The following DDR2 variants were observed in gnomAD, a reference collection of about 807,000 sequenced individuals.
DDR2 encodes the protein discoidin domain receptor tyrosine kinase 2, also known as discoidin domain-containing receptor 2.
A neutral mutation model predicts 94.9 loss-of-function variants in DDR2; 27 were observed. That is an observed-to-expected ratio of 0.28 (90% confidence interval 0.21 to 0.39). The LOEUF (loss-of-function observed/expected upper bound fraction) is 0.39. Ranked by LOEUF, DDR2 falls within the 10% of genes least tolerant of loss-of-function variation. DDR2 has a pLI of 1.00. For missense variants in DDR2, 783 were observed against 1,076.0 expected (o/e 0.73, Z 3.81); for synonymous variants, 382 against 377.2 (o/e 1.01, Z -0.15).
chr1:162,652,504 A>G (rs1314702807), intron 1 of DDR2, among the ~76,000 whole-genome samples: 2 of 152,192 alleles, frequency 1.3e-5, no homozygotes, highest in Admixed American at 6.5e-5. Flanking sequence ...AGTTTTCTAC[A>G]TTCCCAGACT....
chr1:162,780,446 C>G lies in DDR2; in HGVS notation c.*200C>G. ...TTTTTTTTTTTTTTACATTAAAGAA[C>G]TAAAAAAGGAAAAAAAAAAGCCTAG... On this transcript the variant is annotated 3_prime_UTR_variant, in exon 18 of 18. Transcript: ENST00000367921. The G allele has an allele frequency of 1.6e-6, 1 of 636,568 alleles. No homozygotes were observed. Among genetic ancestry groups the G allele is most frequent in the South Asian group, 2.4e-5 (1 of 41,036 alleles). 39.4% of individuals were successfully genotyped at this position (636,568 alleles called of 1,614,324 possible). A position where few individuals can be genotyped will look rare whatever the true frequency, so the allele number is the denominator to read the frequency against.
intron 2 of DDR2, among the ~76,000 whole-genome samples, chr1:162,666,970 A>C (rs73018590): frequency 0.016 from 2,383 of 150,788 alleles, 58 homozygotes; most frequent in African/African-American, 0.048. Flanking sequence ...ATATATATAT[A>C]TCTCCATGCA....
intron 2 of DDR2, among the ~76,000 whole-genome samples, chr1:162,659,495 C>A (rs1406551535): frequency 6.6e-6 from 1 of 152,058 alleles, no homozygotes; most frequent in East Asian, 1.9e-4. Flanking sequence ...CTACTTGGGG[C>A]AGAGGATTGG....
intron 1 of DDR2, among the ~76,000 whole-genome samples, chr1:162,639,730 G>T (rs562618561): frequency 6.6e-6 from 1 of 152,344 alleles, no homozygotes; most frequent in Admixed American, 6.5e-5. Context: ...TACAGATGGT[G>T]CTGACTTAAA....
At position 162,665,062 on chromosome 1, in the gene DDR2, A is replaced by G. The variant is rs148608802; in HGVS notation, c.-28+9688A>G. On this transcript the variant is annotated intron_variant, in intron 2 of 17. Coordinates refer to ENST00000367921, the MANE Select transcript of DDR2 (RefSeq NM_006182.4). ...CAAGGTCTTTCAGAGTCAAATCCCAATTGATCTTCCCAATTTCACTTCCCT... is the reference window on the plus strand; with the variant it reads ...CAAGGTCTTTCAGAGTCAAATCCCAGTTGATCTTCCCAATTTCACTTCCCT... 4.1e-3 allele frequency among the ~76,000 whole-genome samples: 625 copies of G among 152,324 alleles called. 3 individuals are homozygous for G. The highest frequency in any genetic ancestry group is 7.2e-3 in the African/African-American group (300 of 41,580).
chr1:162,778,720 A>C lies in DDR2; in HGVS notation c.2424A>C (p.Gln808His), dbSNP rs765660823. ...IENTGEFFRD[Q>H]GRQTYLPQPA... ...ATACTGGAGAGTTCTTCCGAGACCA[A>C]GGGAGGCAGGTAAGAACTGTTGGGG... Residue 808 changes from glutamine (Q) to histidine (H), a missense_variant, in exon 17 of 18, where the codon CAA becomes CAC. Gln to His is a conservative substitution (Grantham distance 24). Around this residue, in one of 2 missense-constraint regions of DDR2, gnomAD observed 264 missense variants for 428.2 expected, o/e 0.62. Coordinates refer to ENST00000367921, the MANE Select transcript of DDR2 (RefSeq NM_006182.4). 3.2e-5 allele frequency: 51 copies of C among 1,613,846 alleles called. No homozygotes were observed. In the Admixed American group the frequency reaches 7.5e-4, roughly 24 times the overall value.
chr1:162,727,125 G>A (rs1209293908), intron 3 of DDR2, among the ~76,000 whole-genome samples: 3 of 142,340 alleles, frequency 2.1e-5, no homozygotes, highest in South Asian at 2.2e-4. Context: ...TTTATATTTT[G>A]TAAATATAAA....
chr1:162,657,627 T>C (rs1164391277), intron 2 of DDR2, among the ~76,000 whole-genome samples: 1 of 152,170 alleles, frequency 6.6e-6, no homozygotes, highest in African/African-American at 2.4e-5. Context: ...GCTAGGGAAC[T>C]CTGACACAGA....
chr1:162,678,410 TG>T (rs1409876005), intron 2 of DDR2, among the ~76,000 whole-genome samples: 1 of 152,232 alleles, frequency 6.6e-6, no homozygotes, highest in African/African-American at 2.4e-5. Flanking sequence ...TATTAATATT[TG>T]GTTGCTAAAG....
At chr1:162,729,512 TA>T (rs1432703876) in intron 3 of DDR2, among the ~76,000 whole-genome samples, 1 of 147,594 alleles carries the variant, frequency 6.8e-6, no homozygotes, top group African/African-American at 2.5e-5. Context: ...GATGAGTTGT[TA>T]AAAAAATTTA....
chr1:162,771,751 A>G (rs1269552418), intron 12 of DDR2, among the ~76,000 whole-genome samples: 4 of 152,200 alleles, frequency 2.6e-5, no homozygotes, highest in Non-Finnish European at 5.9e-5. Context: ...GAGCCTTCCT[A>G]TAGCTTCACC....
At chr1:162,773,771 T>C (rs1235855136) in intron 14 of DDR2, among the ~76,000 whole-genome samples, 175 bp downstream of exon 14, 2 of 152,196 alleles carry the variant, frequency 1.3e-5, no homozygotes, top group East Asian at 3.9e-4. Context: ...CTCATCTTTT[T>C]CTCCACCTCT....
chr1:162,719,836 A>G lies in DDR2; in HGVS notation c.82+691A>G, dbSNP rs992509542. Among the ~76,000 whole-genome samples, 10 of 151,952 alleles carry G rather than the reference A, an allele frequency of 6.6e-5. No individual in the cohort carries two copies. In the East Asian group the frequency reaches 1.9e-3, roughly 29 times the overall value. On this transcript the variant is annotated intron_variant, in intron 3 of 17. Transcript: ENST00000367921. ...ACTGTTCTCTGTTCTGTGTTGATTT[A>G]CTCAAGCATAACTGGAAGTCAGCTG...
chr1:162,740,913 G>A (rs1662555558), intron 3 of DDR2, among the ~76,000 whole-genome samples: 1 of 152,056 alleles, frequency 6.6e-6, no homozygotes, highest in Non-Finnish European at 1.5e-5. Flanking sequence ...TAAGCTACAT[G>A]CCTCTGTGGC....
At chr1:162,651,206 G>A (rs12136154) in intron 1 of DDR2, among the ~76,000 whole-genome samples, 3,132 of 152,148 alleles carry the variant, frequency 0.021, 54 homozygotes, top group Non-Finnish European at 0.035. Flanking sequence ...AGCCTTTCCC[G>A]GCTCTCTTGT....
At chr1:162,671,801 T>G (rs563498342) in intron 2 of DDR2, among the ~76,000 whole-genome samples, 1 of 152,292 alleles carries the variant, frequency 6.6e-6, no homozygotes, top group African/African-American at 2.4e-5. Flanking sequence ...TCCTTCCCTT[T>G]CCTGTCTCTG....
In DDR2 at chr1:162,761,016, C is replaced by G. The variant is rs147300424; in HGVS notation, c.856-195C>G. On this transcript the variant is annotated intron_variant, in intron 8 of 17. Coordinates refer to ENST00000367921, the MANE Select transcript of DDR2 (RefSeq NM_006182.4). ...TTAGATTGTACACTATTTTGGGTTT[C>G]TCACCTAGCCCTGTGAAAAGAAGAA... 6.1e-3 allele frequency among the ~76,000 whole-genome samples: 932 copies of G among 152,042 alleles called. 10 individuals carry two copies. Among genetic ancestry groups the G allele is most frequent in the African/African-American group, 0.021 (882 of 41,466 alleles).
At chr1:162,734,472 AC>A (rs1662203059) in intron 3 of DDR2, among the ~76,000 whole-genome samples, 1 of 152,250 alleles carries the variant, frequency 6.6e-6, no homozygotes, top group African/African-American at 2.4e-5. Flanking sequence ...TAGTGGGCAG[AC>A]CAAAATTAAA....
At chr1:162,768,380 T>C (rs1041078414) in intron 11 of DDR2, among the ~76,000 whole-genome samples, 39 of 152,302 alleles carry the variant, frequency 2.6e-4, no homozygotes, top group African/African-American at 9.1e-4. Flanking sequence ...TCAATAGACA[T>C]GGACTAGTAG....
Sources: allele counts gnomAD v4.1 joint callset (sites outside exome capture counted in the v4.1 genomes callset), GRCh38; gene constraint gnomAD v4.1.1; regional missense constraint gnomAD v4.1.1; transcripts MANE v1.5; gene names NCBI Gene and HGNC (gene_info 2026-07-23, HGNC 2026-07-21).